The following KCNMA1 variants were observed in gnomAD, a reference collection of about 807,000 sequenced individuals.
The protein encoded by KCNMA1 is Calcium-activated potassium channel subunit alpha-1.
A neutral mutation model predicts 140.0 loss-of-function variants in KCNMA1; 29 were observed. That is an observed-to-expected ratio of 0.21 (90% confidence interval 0.15 to 0.28). The LOEUF is 0.28. Ranked by LOEUF, KCNMA1 falls within the 10% of genes least tolerant of loss-of-function variation. KCNMA1 has a pLI of 1.00. For synonymous variants in KCNMA1, 612 were observed against 611.9 expected, an observed-to-expected ratio of 1.00 and a Z score of 0.00; for missense variants, 880 against 1,602.2, an observed-to-expected ratio of 0.55 and a Z score of 7.70.
intron 1 of KCNMA1, among the ~76,000 whole-genome samples, chr10:77,528,867 A>G (rs944099868): frequency 6.6e-6 from 1 of 152,078 alleles, no homozygotes; most frequent in Non-Finnish European, 1.5e-5. Flanking sequence ...CTATCATTCT[A>G]CTCATAGGAA....
intron 19 of KCNMA1, chr10:76,995,273 AG>A (rs1354802757): frequency 4.9e-6 from 1 of 202,662 alleles, no homozygotes; most frequent in Non-Finnish European, 1.0e-5. Context: ...GATTCATAGG[AG>A]GCATTTACAT....
At chr10:77,100,774 C>G (rs186654790) in intron 9 of KCNMA1, among the ~76,000 whole-genome samples, 1 of 152,174 alleles carries the variant, frequency 6.6e-6, no homozygotes, top group African/African-American at 2.4e-5. Flanking sequence ...TCTGAATCTA[C>G]CCGGCAAGGA....
At chr10:77,399,292 C>T (rs868444810) in intron 2 of KCNMA1, among the ~76,000 whole-genome samples, 2 of 152,118 alleles carry the variant, frequency 1.3e-5, no homozygotes, top group South Asian at 2.1e-4. Flanking sequence ...GAAATCCTGA[C>T]GACATTGACT....
chr10:77,551,050 T>G (rs1313051069), intron 1 of KCNMA1, among the ~76,000 whole-genome samples: 1 of 152,144 alleles, frequency 6.6e-6, no homozygotes, highest in African/African-American at 2.4e-5. Flanking sequence ...CAGGTTGCTC[T>G]CAAACTCCTA....
chr10:77,593,927 T>C (rs1296027277), intron 1 of KCNMA1, among the ~76,000 whole-genome samples: 1 of 152,230 alleles, frequency 6.6e-6, no homozygotes, highest in Non-Finnish European at 1.5e-5. Context: ...GTCCATCCAT[T>C]GGGCTCCTGG....
At chr10:77,634,214 G>C in intron 1 of KCNMA1, 4 of 985,400 alleles carry the variant, frequency 4.1e-6, no homozygotes, top group Non-Finnish European at 4.8e-6. Flanking sequence ...CAAGTGAATA[G>C]AGAGCTCTGA....
At chr10:77,458,469 A>G (rs879377753) in intron 1 of KCNMA1, among the ~76,000 whole-genome samples, 2 of 152,202 alleles carry the variant, frequency 1.3e-5, no homozygotes, top group African/African-American at 2.4e-5. Context: ...ACTTACACAC[A>G]TGAACAAACA....
chr10:77,184,058 G>T (rs532910028), intron 4 of KCNMA1, among the ~76,000 whole-genome samples: 1 of 112,298 alleles, frequency 8.9e-6, no homozygotes, highest in Non-Finnish European at 2.1e-5. Flanking sequence ...ACATATGTAC[G>T]CATTCACACA....
intron 2 of KCNMA1, among the ~76,000 whole-genome samples, chr10:77,366,200 G>A (rs369438638): frequency 2.8e-5 from 4 of 145,340 alleles, no homozygotes; most frequent in East Asian, 2.0e-4. Context: ...TCACGTTTCT[G>A]TCTTGTCACC....
intron 23 of KCNMA1, among the ~76,000 whole-genome samples, chr10:76,917,838 T>G (rs1034987475): frequency 5.9e-5 from 9 of 152,204 alleles, no homozygotes; most frequent in Non-Finnish European, 1.0e-4. Context: ...TTAGCATTGT[T>G]TCTTTCTTAG....
At chr10:77,590,799 G>A (rs140084149) in intron 1 of KCNMA1, among the ~76,000 whole-genome samples, 1 of 13,636 alleles carries the variant, frequency 7.3e-5, no homozygotes, top group Non-Finnish European at 6.6e-4. Flanking sequence ...ATTTCTAAAG[G>A]TTTTCTCCCT....
At chr10:77,358,985 T>C (rs569599219) in intron 2 of KCNMA1, among the ~76,000 whole-genome samples, 4 of 152,294 alleles carry the variant, frequency 2.6e-5, no homozygotes, top group Non-Finnish European at 2.9e-5. Context: ...CCCTTCATGC[T>C]AAAAGTAAGC....
chr10:77,463,228 C>A (rs1227645656), intron 1 of KCNMA1, among the ~76,000 whole-genome samples: 1 of 152,130 alleles, frequency 6.6e-6, no homozygotes, highest in Non-Finnish European at 1.5e-5. Context: ...CCCTGCGTAG[C>A]CTGGGAAGAT....
chr10:77,405,137 T>A (rs2096429439), intron 1 of KCNMA1, among the ~76,000 whole-genome samples: 1 of 152,194 alleles, frequency 6.6e-6, no homozygotes, highest in South Asian at 2.1e-4. Flanking sequence ...ACAGTGAGTG[T>A]TCTGCCTGGA....
chr10:77,528,236 AG>A (rs1211171663), intron 1 of KCNMA1, among the ~76,000 whole-genome samples: 1 of 152,206 alleles, frequency 6.6e-6, no homozygotes, highest in East Asian at 1.9e-4. Context: ...CACATCCTCA[AG>A]AATCCAGCAA....
At chr10:77,630,836 G>A (rs1455641392) in intron 1 of KCNMA1, among the ~76,000 whole-genome samples, 1 of 152,030 alleles carries the variant, frequency 6.6e-6, no homozygotes, top group African/African-American at 2.4e-5. Context: ...GCCAGGCACA[G>A]TGGCTCACAC....
At chr10:77,086,096 A>C (rs1444129160) in intron 11 of KCNMA1, among the ~76,000 whole-genome samples, 3 of 152,212 alleles carry the variant, frequency 2.0e-5, no homozygotes, top group Non-Finnish European at 4.4e-5. Flanking sequence ...TCAGATGTAA[A>C]TAATAGAAGT....
chr10:77,123,069 A>T (rs1326669021), intron 5 of KCNMA1, among the ~76,000 whole-genome samples: 1 of 150,888 alleles, frequency 6.6e-6, no homozygotes, highest in Non-Finnish European at 1.5e-5. Flanking sequence ...AGTCCCAGCT[A>T]CGCGGGAGGC....
intron 16 of KCNMA1, 139 bp downstream of exon 16, chr10:77,027,684 G>T: frequency 1.3e-6 from 1 of 785,304 alleles, no homozygotes; most frequent in South Asian, 1.4e-5. Flanking sequence ...CTCGAAATGT[G>T]CTCTAGGGTC....
Sources: allele counts gnomAD v4.1 joint callset (sites outside exome capture counted in the v4.1 genomes callset), GRCh38; gene constraint gnomAD v4.1.1; transcripts MANE v1.5; gene names NCBI Gene and HGNC (gene_info 2026-07-23, HGNC 2026-07-21).